PDIK1L: variants seen among roughly 807,000 people sequenced by gnomAD.
PDIK1L encodes serine/threonine-protein kinase PDIK1L.
PDIK1L carries 9 observed loss-of-function variants against 27.1 expected under a neutral mutation model. The observed-to-expected ratio is 0.33, with a 90% CI of 0.20 to 0.58. The LOEUF (loss-of-function observed/expected upper bound fraction) is 0.58. Ranked by LOEUF, PDIK1L falls within the 20% of genes least tolerant of loss-of-function variation. PDIK1L has a pLI of 0.86. For missense variants in PDIK1L, 216 were observed against 413.2 expected (o/e 0.52, Z 4.14); for synonymous variants, 130 against 141.7 (o/e 0.92, Z 0.59).
At chr1:26,118,696 C>T (rs1388633798) in intron 2 of PDIK1L, among the ~76,000 whole-genome samples, 5 of 152,220 alleles carry the variant, frequency 3.3e-5, no homozygotes, top group African/African-American at 4.8e-5. Flanking sequence ...ATTGGTACCT[C>T]TATTAAAATT....
intron 2 of PDIK1L, among the ~76,000 whole-genome samples, chr1:26,117,349 C>T (rs990088093): frequency 1.1e-4 from 16 of 152,116 alleles, no homozygotes; most frequent in African/African-American, 3.1e-4. Context: ...TGAAGTTTTC[C>T]GTTTTATGAC....
intron 2 of PDIK1L, among the ~76,000 whole-genome samples, chr1:26,119,848 ACT>A (rs2087947954): frequency 6.6e-6 from 1 of 151,948 alleles, no homozygotes; most frequent in Admixed American, 6.6e-5. Context: ...ACAGAGTGAG[ACT>A]CTGTCTCAAT....
At chr1:26,119,526 T>C (rs1002253330) in intron 2 of PDIK1L, among the ~76,000 whole-genome samples, 2 of 151,898 alleles carry the variant, frequency 1.3e-5, no homozygotes, top group Non-Finnish European at 2.9e-5. Flanking sequence ...AAAAAAACTG[T>C]ACATACAAAG....
At chr1:26,112,728 C>T (rs756253086) in intron 1 of PDIK1L, 1 of 152,256 alleles carries the variant, frequency 6.6e-6, no homozygotes, top group Non-Finnish European at 1.5e-5. Flanking sequence ...ATCCTGTAGA[C>T]TTAAAGCAGT....
chr1:26,113,761 G>A (rs1047997015), intron 1 of PDIK1L, among the ~76,000 whole-genome samples: 2 of 152,184 alleles, frequency 1.3e-5, no homozygotes, highest in Non-Finnish European at 2.9e-5. Flanking sequence ...CATTATGTGT[G>A]TGTCAGCCTG....
chr1:26,112,714 A>G (rs1212923553), intron 1 of PDIK1L: 1 of 152,234 alleles, frequency 6.6e-6, no homozygotes. Flanking sequence ...TTTTTATTAA[A>G]TCTATCCTGT....
At position 26,123,177 on chromosome 1, in the gene PDIK1L, T is replaced by C. The variant is rs1385168828; in HGVS notation, c.*600T>C. 4 of 131,270 alleles carry C rather than the reference T, an allele frequency of 3.0e-5. No homozygotes were observed. The highest frequency in any genetic ancestry group is 4.8e-5 in the Non-Finnish European group (3 of 62,940). 8.1% of individuals were successfully genotyped at this position (131,270 alleles called of 1,614,324 possible). ...CCCCTAATGAAATCATATTAAGTTG[T>C]TTTTTTTTTTTTTTGTAATATACAG... On this transcript the variant is annotated 3_prime_UTR_variant, in exon 3 of 3. Coordinates refer to ENST00000374269, the MANE Select transcript of PDIK1L (RefSeq NM_152835.5).
At chr1:26,120,266 G>A (rs1398470213) in intron 2 of PDIK1L, among the ~76,000 whole-genome samples, 1 of 152,162 alleles carries the variant, frequency 6.6e-6, no homozygotes, top group Non-Finnish European at 1.5e-5. Flanking sequence ...AACATTCTTT[G>A]AACGCTGGGA....
chr1:26,117,778 C>T (rs1396561639), intron 2 of PDIK1L, among the ~76,000 whole-genome samples: 1 of 151,814 alleles, frequency 6.6e-6, no homozygotes, highest in Admixed American at 6.6e-5. Flanking sequence ...GGATAGAAAG[C>T]CAAACATGGT....
chr1:26,117,618 C>T lies in PDIK1L; in HGVS notation c.285+3025C>T, dbSNP rs145747016. Among the ~76,000 whole-genome samples, 152 of 152,210 alleles carry T rather than the reference C, an allele frequency of 1.0e-3. 1 individual carries two copies. The highest frequency in any genetic ancestry group is 6.8e-3 in the Middle Eastern group (2 of 292). On this transcript the variant is annotated intron_variant, in intron 2 of 2. Coordinates refer to ENST00000374269, the MANE Select transcript of PDIK1L (RefSeq NM_152835.5). ...ATTAGCCAGGTGTGGCAGCGTGTGC[C>T]TGTAGTCCCAGCTACCCAGGAGACT...
At chr1:26,119,605 G>A (rs1299568716) in intron 2 of PDIK1L, among the ~76,000 whole-genome samples, 4 of 152,188 alleles carry the variant, frequency 2.6e-5, no homozygotes, top group Admixed American at 2.6e-4. Flanking sequence ...GCTCACACCT[G>A]TAATCCCAGC....
At position 26,122,607 on chromosome 1, in the gene PDIK1L, T is replaced by C. The variant is rs1277921603; in HGVS notation, c.*30T>C. On this transcript the variant is annotated 3_prime_UTR_variant, in exon 3 of 3. Coordinates refer to ENST00000374269, the MANE Select transcript of PDIK1L (RefSeq NM_152835.5). The surrounding 1 kb of genome is among the most constrained non-coding windows in gnomAD (Gnocchi z 5.4). ...TATTATTTGCAAATACCATGGATGA[T>C]ATGCTGCTTCTGTTTAACAGTGATG... 12 of 1,568,492 alleles carry C rather than the reference T, an allele frequency of 7.7e-6. No homozygotes were observed. In the African/African-American group the frequency reaches 1.6e-4, roughly 21 times the overall value.
In PDIK1L at chr1:26,122,061, C is replaced by T. The variant is rs772185702; in HGVS notation, c.510C>T (p.Ile170=). The T allele has an allele frequency of 1.9e-6, 3 of 1,613,838 alleles. No homozygotes were observed. The highest frequency in any genetic ancestry group is 2.5e-6 in the Non-Finnish European group (3 of 1,180,034). The change falls in exon 3 of 3, where the codon ATC becomes ATT. Residue 170 remains isoleucine (I), a synonymous_variant. Transcript: ENST00000374269. The surrounding 1 kb of genome is among the most constrained non-coding windows in gnomAD (Gnocchi z 5.4). ...ACCGAGATCTTAAGCCTGATAACAT[C>T]CTGATTTCTCAAACCAGGTTGGATA... ...IIHRDLKPDN[I]LISQTRLDTS...
intron 2 of PDIK1L, among the ~76,000 whole-genome samples, chr1:26,118,065 A>AG (rs1355972783): frequency 6.6e-6 from 1 of 152,126 alleles, no homozygotes; most frequent in Non-Finnish European, 1.5e-5. Context: ...CTCAAAAAAA[A>AG]AAAAAAAGTG....
rs773388048 is a variant in PDIK1L at position 26,114,323 on chromosome 1, G to A, written c.15G>A (p.Gln5=). 1 of 1,610,200 alleles carries A rather than the reference G, an allele frequency of 6.2e-7. No individual in the cohort carries two copies. The change falls in exon 2 of 3, where the codon CAG becomes CAA. Residue 5 remains glutamine (Q), a synonymous_variant. Transcript: ENST00000374269. This position sits in a 1 kb window ranked among gnomAD's most constrained non-coding sequence, Gnocchi z 4.8. MVSS[Q]PKYDLIREVG... ...CGACCTTGAAGATGGTGAGTAGCCA[G>A]CCAAAGTACGATCTAATACGGGAGG...
chr1:26,112,832 C>A (rs1316792036), intron 1 of PDIK1L, among the ~76,000 whole-genome samples: 2 of 152,214 alleles, frequency 1.3e-5, no homozygotes, highest in African/African-American at 4.8e-5. Context: ...CTTTTCTAGC[C>A]CGTGGTCACA....
chr1:26,113,897 G>A (rs2087839893), intron 1 of PDIK1L, among the ~76,000 whole-genome samples: 1 of 152,136 alleles, frequency 6.6e-6, no homozygotes, highest in South Asian at 2.1e-4. Context: ...ACAGCATACT[G>A]TAGTGCTTCA....
intron 2 of PDIK1L, among the ~76,000 whole-genome samples, chr1:26,117,635 C>T (rs943615263): frequency 6.6e-6 from 1 of 152,004 alleles, no homozygotes; most frequent in African/African-American, 2.4e-5. Flanking sequence ...CCCAGCTACC[C>T]AGGAGACTGA....
In PDIK1L at chr1:26,120,270, G is replaced by C. The variant is rs1340695614; in HGVS notation, c.286-1567G>C. 2.0e-5 allele frequency among the ~76,000 whole-genome samples: 3 copies of C among 152,146 alleles called. No individual in the cohort carries two copies. The East Asian group carries it at 5.8e-4, about 29-fold the overall frequency. On this transcript the variant is annotated intron_variant, in intron 2 of 2. Transcript: ENST00000374269. ...CCTTACTCTAAAACATTCTTTGAAC[G>C]CTGGGACTCTGCATTGCTCAAAGCT...
Sources: gnomAD v4.1 joint callset for allele counts (sites outside exome capture counted in the v4.1 genomes callset) on GRCh38, gnomAD v4.1.1 for gene constraint, Gnocchi (gnomAD v3.1) non-coding constraint, MANE v1.5 for transcripts, NCBI Gene and HGNC (gene_info 2026-07-23, HGNC 2026-07-21) for gene names.